Variants in CNTLN observed in about 807,000 individuals in gnomAD.
The protein encoded by CNTLN is centlein, also known as centlein, centrosomal protein.
A neutral mutation model predicts 180.0 loss-of-function variants in CNTLN; 212 were observed. The observed-to-expected ratio is 1.18, with a 90% CI of 1.05 to 1.32. CNTLN has a LOEUF of 1.32. CNTLN is among the 40% of genes most tolerant of loss of function. The pLI is 0.00. For missense variants in CNTLN, 2,095 were observed against 1,610.9 expected, an observed-to-expected ratio of 1.30 and a Z score of -5.14; for synonymous variants, 722 against 563.1, an observed-to-expected ratio of 1.28 and a Z score of -3.99.
intron 5 of CNTLN, among the ~76,000 whole-genome samples, chr9:17,258,929 A>G (rs1398806948): frequency 6.7e-6 from 1 of 149,532 alleles, no homozygotes; most frequent in African/African-American, 2.5e-5. Flanking sequence ...AACAGGGACA[A>G]TTTGACTTCC....
intron 5 of CNTLN, among the ~76,000 whole-genome samples, chr9:17,267,552 G>C (rs560478360): frequency 6.6e-6 from 1 of 151,640 alleles, no homozygotes; most frequent in Non-Finnish European, 1.5e-5. Flanking sequence ...TCTTTGTGGC[G>C]TTCTCTGTGT....
intron 16 of CNTLN, 132 bp downstream of exon 16, chr9:17,409,605 G>T: frequency 1.6e-6 from 1 of 623,452 alleles, no homozygotes; most frequent in South Asian, 3.4e-5. Context: ...AATATACAGT[G>T]AAAATATTCA....
intron 2 of CNTLN, among the ~76,000 whole-genome samples, chr9:17,147,404 A>T (rs1818529558): frequency 6.6e-6 from 1 of 152,080 alleles, no homozygotes; most frequent in Non-Finnish European, 1.5e-5. Context: ...TGGTTTCTTA[A>T]TTAATTGTTT....
chr9:17,432,268 TAA>T (rs1829462448), intron 18 of CNTLN, among the ~76,000 whole-genome samples: 1 of 152,164 alleles, frequency 6.6e-6, no homozygotes, highest in African/African-American at 2.4e-5. Context: ...GCCAACATGC[TAA>T]AAAATATTTG....
chr9:17,468,227 C>A (rs984728033), intron 23 of CNTLN, among the ~76,000 whole-genome samples: 1 of 151,434 alleles, frequency 6.6e-6, no homozygotes, highest in African/African-American at 2.4e-5. Flanking sequence ...CAATAGACAT[C>A]GGGGCCTACT....
intron 2 of CNTLN, among the ~76,000 whole-genome samples, chr9:17,216,751 T>C (rs1823783965): frequency 6.6e-6 from 1 of 152,204 alleles, no homozygotes; most frequent in South Asian, 2.1e-4. Context: ...CTAAAGCACT[T>C]GGGTTACACA....
intron 13 of CNTLN, among the ~76,000 whole-genome samples, chr9:17,384,613 C>T (rs1825545970): frequency 6.6e-6 from 1 of 152,036 alleles, no homozygotes; most frequent in Admixed American, 6.6e-5. Flanking sequence ...TTTTCATTGG[C>T]TTATGGTTAC....
At chr9:17,489,795 C>T (rs942714820) in intron 25 of CNTLN, among the ~76,000 whole-genome samples, 1 of 151,946 alleles carries the variant, frequency 6.6e-6, no homozygotes, top group Non-Finnish European at 1.5e-5. Context: ...AGTTGTGATG[C>T]TATTGGTAAT....
rs772109564 is a variant in CNTLN at position 17,164,457 on chromosome 9, G to GTTTTTTTTT, written c.449+21098_449+21106dup. ...AATCTATAGAACTCCTTATTTTTATGTTTTTTTTTTTTTTTTTTTTTTTTT... is the reference window on the plus strand; with the variant it reads ...AATCTATAGAACTCCTTATTTTTATGTTTTTTTTTTTTTTTTTTTTTTTTTTTTTTTTTT... On this transcript the variant is annotated intron_variant, in intron 2 of 25. Transcript: ENST00000380647. Among the ~76,000 whole-genome samples the GTTTTTTTTT allele has an allele frequency of 2.8e-4, 19 of 68,454 alleles. 1 individual carries two copies. The highest frequency in any genetic ancestry group is 1.1e-3 in the East Asian group (2 of 1,820). The allele number at this position is 68,454 out of a possible 152,430, so 44.9% of individuals were successfully genotyped here. A position where few individuals can be genotyped will look rare whatever the true frequency, so the allele number is the denominator to read the frequency against.
intron 13 of CNTLN, among the ~76,000 whole-genome samples, chr9:17,372,176 T>C (rs1181824792): frequency 6.6e-6 from 1 of 152,006 alleles, no homozygotes; most frequent in Non-Finnish European, 1.5e-5. Flanking sequence ...AAACAAAAAA[T>C]TGGTTTATCA....
At position 17,263,154 on chromosome 9, in the gene CNTLN, T is replaced by G. The variant is rs543893935; in HGVS notation, c.850-10579T>G. Among the ~76,000 whole-genome samples the G allele has an allele frequency of 1.6e-3, 241 of 149,510 alleles. 1 individual carries two copies. Among genetic ancestry groups the G allele is most frequent in the Non-Finnish European group, 2.7e-3 (183 of 67,528 alleles). The stretch of plus-strand genomic sequence containing the variant: ...TGTGCTGCACCCATTAAGTCGTCAT[T>G]TAGCATTAGGTATATCTCCTAATGC... On this transcript the variant is annotated intron_variant, in intron 5 of 25. Transcript: ENST00000380647.
chr9:17,162,504 A>C (rs1819754480), intron 2 of CNTLN, among the ~76,000 whole-genome samples: 1 of 152,206 alleles, frequency 6.6e-6, no homozygotes, highest in African/African-American at 2.4e-5. Context: ...ATACTTTGTT[A>C]CACACTACCT....
At chr9:17,455,172 C>T (rs1422794934) in intron 18 of CNTLN, among the ~76,000 whole-genome samples, 1 of 152,122 alleles carries the variant, frequency 6.6e-6, no homozygotes, top group Non-Finnish European at 1.5e-5. Context: ...TATTTGTCCA[C>T]AATGCTAAGG....
At chr9:17,381,284 A>G (rs1475810495) in intron 13 of CNTLN, among the ~76,000 whole-genome samples, 1 of 152,230 alleles carries the variant, frequency 6.6e-6, no homozygotes, top group Non-Finnish European at 1.5e-5. Context: ...CAACTCTAGA[A>G]GTACTGGAAC....
At chr9:17,228,730 A>C (rs1824632824) in intron 3 of CNTLN, among the ~76,000 whole-genome samples, 1 of 152,112 alleles carries the variant, frequency 6.6e-6, no homozygotes, top group African/African-American at 2.4e-5. Flanking sequence ...AGGTCCACTG[A>C]CATGGACCTG....
chr9:17,422,801 G>A (rs1036505187), intron 18 of CNTLN, among the ~76,000 whole-genome samples: 1 of 152,144 alleles, frequency 6.6e-6, no homozygotes, highest in Admixed American at 6.5e-5. Flanking sequence ...GCATGAAAGT[G>A]TTAGGTATTT....
intron 2 of CNTLN, among the ~76,000 whole-genome samples, chr9:17,211,841 A>G (rs1823339207): frequency 6.6e-6 from 1 of 151,996 alleles, no homozygotes; most frequent in South Asian, 2.1e-4. Flanking sequence ...TTCACTCATG[A>G]TTTGGCTCTC....
chr9:17,505,544 C>A (rs749701556), downstream of CNTLN, among the ~76,000 whole-genome samples: 12 of 151,588 alleles, frequency 7.9e-5, no homozygotes, highest in East Asian at 9.7e-4. Flanking sequence ...TACAATTTCC[C>A]GAAAAAGAGA....
At chr9:17,177,517 T>C (rs557015624) in intron 2 of CNTLN, among the ~76,000 whole-genome samples, 38 of 152,144 alleles carry the variant, frequency 2.5e-4, no homozygotes, top group Non-Finnish European at 3.8e-4. Context: ...TTGTGGTGAG[T>C]GTCACAGTTC....
Sources: gnomAD v4.1 joint callset for allele counts (sites outside exome capture counted in the v4.1 genomes callset) on GRCh38, gnomAD v4.1.1 for gene constraint, MANE v1.5 for transcripts, NCBI Gene and HGNC (gene_info 2026-07-23, HGNC 2026-07-21) for gene names.